The following YBEY variants were observed in gnomAD, a reference collection of about 807,000 sequenced individuals.
YBEY encodes the protein endoribonuclease YbeY.
Under a neutral mutation model 13.5 loss-of-function variants are expected in YBEY, and 15 were observed. The observed-to-expected ratio is 1.11, with a 90% CI of 0.75 to 1.72. YBEY has a LOEUF of 1.72. Among genes scored for constraint, YBEY ranks in the 40% most tolerant of loss-of-function variants. The pLI, the probability that YBEY is intolerant of heterozygous loss-of-function variation, is 0.00. For synonymous variants in YBEY, 101 were observed against 83.1 expected, an observed-to-expected ratio of 1.21 and a Z score of -1.17; for missense variants, 244 against 208.4, an observed-to-expected ratio of 1.17 and a Z score of -1.05.
chr21:46,289,935 T>G (rs910114864), intron 2 of YBEY, among the ~76,000 whole-genome samples: 7 of 64,392 alleles, frequency 1.1e-4, no homozygotes, highest in Admixed American at 2.9e-4. Flanking sequence ...GGTTGCAGTT[T>G]TGTGTGTGTG....
intron 4 of YBEY, among the ~76,000 whole-genome samples, 154 bp downstream of exon 4, chr21:46,296,384 A>G (rs1403951718): frequency 6.6e-6 from 1 of 152,044 alleles, no homozygotes; most frequent in African/African-American, 2.4e-5. Context: ...TTTGCTTTCA[A>G]CACCGGGCTC....
chr21:46,299,592 T>TATCTTGACTGG (rs1851073462), downstream of YBEY, among the ~76,000 whole-genome samples: 1 of 152,154 alleles, frequency 6.6e-6, no homozygotes, highest in Admixed American at 6.6e-5. Context: ...AAGAATGTGG[T>TATCTTGACTGG]ATCTTGACTG....
downstream of YBEY, among the ~76,000 whole-genome samples, chr21:46,299,751 C>T (rs1025986328): frequency 1.5e-5 from 2 of 136,666 alleles, no homozygotes; most frequent in Non-Finnish European, 3.2e-5. Flanking sequence ...GTGCCCTGAG[C>T]CCCCCCCACC....
the YBEY span, among the ~76,000 whole-genome samples, chr21:46,312,363 G>T: frequency 6.6e-6 from 1 of 152,060 alleles, no homozygotes; most frequent in South Asian, 2.1e-4. Flanking sequence ...TTGTCGCCCA[G>T]GCTGGAGTGC....
intron 2 of YBEY, among the ~76,000 whole-genome samples, chr21:46,288,895 A>G (rs946315920): frequency 7.2e-5 from 11 of 151,918 alleles, no homozygotes; most frequent in African/African-American, 2.4e-4. Flanking sequence ...GGTGGTGTGC[A>G]GAGCTGTCGT....
At chr21:46,294,094 CAG>C (rs1159104588) in intron 3 of YBEY, among the ~76,000 whole-genome samples, 11 of 19,220 alleles carry the variant, frequency 5.7e-4, no homozygotes, top group African/African-American at 2.2e-3. Flanking sequence ...GCCCGGGACT[CAG>C]TGGAGTCAGC....
At chr21:46,307,272 A>G in the YBEY span, among the ~76,000 whole-genome samples, 1 of 152,160 alleles carries the variant, frequency 6.6e-6, no homozygotes, top group Non-Finnish European at 1.5e-5. Context: ...TCAGCCTCCC[A>G]AAGTGCTGGG....
At chr21:46,310,919 A>C in the YBEY span, among the ~76,000 whole-genome samples, 1 of 151,542 alleles carries the variant, frequency 6.6e-6, no homozygotes. Flanking sequence ...CCCAGGATGG[A>C]GTAAAGTTGT....
chr21:46,287,135 A>AAAAG lies in YBEY; in HGVS notation c.210+12_210+13insAAAG. 2 of 1,583,108 alleles carry AAAAG rather than the reference A, an allele frequency of 1.3e-6. No individual in the cohort carries two copies. The highest frequency in any genetic ancestry group is 2.3e-5 in the South Asian group (2 of 87,382). ...TTCCATTTCATGAGGTAAAAAAAAA[A>AAAAG]TGTTCCTCTTCTTGTCTAGCCCATC... is the stretch of plus-strand genomic sequence containing the variant. On this transcript the variant is annotated intron_variant, in intron 2 of 4. Transcript: ENST00000397701.
chr21:46,296,547 G>C (rs975448760), intron 4 of YBEY, among the ~76,000 whole-genome samples: 1 of 152,174 alleles, frequency 6.6e-6, no homozygotes, highest in South Asian at 2.1e-4. Context: ...GGAGCTCTGC[G>C]TGGAGTGAGT....
chr21:46,296,340 CCT>C, intron 4 of YBEY, 110 bp downstream of exon 4: 1 of 1,184,104 alleles, frequency 8.4e-7, no homozygotes, highest in Non-Finnish European at 1.2e-6. Context: ...AGGAACTGGA[CCT>C]CAGACCTGCC....
downstream of YBEY, chr21:46,302,607 A>G (rs1375947750): frequency 6.4e-7 from 1 of 1,555,254 alleles, no homozygotes; most frequent in African/African-American, 1.4e-5. Flanking sequence ...GACCCTGAAT[A>G]AAGTTTCCGT....
chr21:46,287,157 C>T (rs2145748916), intron 2 of YBEY, 34 bp downstream of exon 2: 2 of 1,507,420 alleles, frequency 1.3e-6, no homozygotes, highest in Non-Finnish European at 1.8e-6. Flanking sequence ...TTGTCTAGCC[C>T]ATCTTCCCAG....
intron 3 of YBEY, 24 bp downstream of exon 3, chr21:46,291,486 A>T: frequency 6.2e-7 from 1 of 1,612,938 alleles, no homozygotes; most frequent in Non-Finnish European, 8.5e-7. Flanking sequence ...CTGAAATCAT[A>T]TAACCTGGCT....
At chr21:46,287,755 C>A (rs149255542) in intron 2 of YBEY, among the ~76,000 whole-genome samples, 23 of 152,194 alleles carry the variant, frequency 1.5e-4, no homozygotes, top group African/African-American at 5.5e-4. Flanking sequence ...CTTTGGGAGC[C>A]CGAGGCGGGT....
At chr21:46,304,176 G>C in the YBEY span, among the ~76,000 whole-genome samples, 4 of 149,730 alleles carry the variant, frequency 2.7e-5, no homozygotes, top group East Asian at 8.0e-4. Context: ...ACAAGCACCC[G>C]CCACCACGCC....
rs139751504 is a variant in YBEY, at chr21:46,294,694, T to G, written c.340-1468T>G. On this transcript the variant is annotated intron_variant, in intron 3 of 4. Coordinates refer to ENST00000397701, the MANE Select transcript of YBEY (RefSeq NM_001314025.2). ...GACCCGTGCCCGGGACTCAGTGGAGTCAGCCACCCCAGACCTCTCTCACTG... is the reference window on the plus strand; with the variant it reads ...GACCCGTGCCCGGGACTCAGTGGAGGCAGCCACCCCAGACCTCTCTCACTG... Among the ~76,000 whole-genome samples, 643 of 149,868 alleles carry G rather than the reference T, an allele frequency of 4.3e-3. 115 individuals carry two copies. Among genetic ancestry groups the G allele is most frequent in the African/African-American group, 0.015 (610 of 39,830 alleles).
At chr21:46,307,127 C>G in the YBEY span, among the ~76,000 whole-genome samples, 1 of 151,848 alleles carries the variant, frequency 6.6e-6, no homozygotes, top group Non-Finnish European at 1.5e-5. Context: ...AACTCCTGAC[C>G]TCAGGTGATC....
the YBEY span, among the ~76,000 whole-genome samples, chr21:46,304,364 G>A: frequency 6.6e-6 from 1 of 151,852 alleles, no homozygotes; most frequent in Non-Finnish European, 1.5e-5. Flanking sequence ...GACTGTGCCT[G>A]TAGTCCCAGC....
Sources: allele counts gnomAD v4.1 joint callset (sites outside exome capture counted in the v4.1 genomes callset), GRCh38; gene constraint gnomAD v4.1.1; transcripts MANE v1.5; gene names NCBI Gene and HGNC (gene_info 2026-07-23, HGNC 2026-07-21).